CA13: variants seen among roughly 807,000 people sequenced by gnomAD.
CA13 encodes the protein CA-XIII.
A neutral mutation model predicts 31.5 loss-of-function variants in CA13; 21 were observed. The ratio of observed to expected loss-of-function variants is 0.67; its 90% CI spans 0.47 to 0.96. The LOEUF (loss-of-function observed/expected upper bound fraction) is 0.96. Ranked by LOEUF, CA13 falls within the 40% of genes least tolerant of loss-of-function variation. The pLI, the probability that CA13 is intolerant of heterozygous loss-of-function variation, is 0.00. For missense variants in CA13, 315 were observed against 318.9 expected, an observed-to-expected ratio of 0.99 and a Z score of 0.09; for synonymous variants, 117 against 111.4, an observed-to-expected ratio of 1.05 and a Z score of -0.32.
At chr8:85,249,234 C>A (rs1412442144) in intron 1 of CA13, among the ~76,000 whole-genome samples, 1 of 152,168 alleles carries the variant, frequency 6.6e-6, no homozygotes, top group Non-Finnish European at 1.5e-5. Flanking sequence ...CGTGGTGGCT[C>A]ATGCCTGTAA....
chr8:85,251,962 A>G (rs1813837852), intron 2 of CA13, among the ~76,000 whole-genome samples: 1 of 152,208 alleles, frequency 6.6e-6, no homozygotes, highest in Non-Finnish European at 1.5e-5. Context: ...ATCTTGTTTA[A>G]AAAGCTAAAC....
intron 5 of CA13, 100 bp downstream of exon 5, chr8:85,268,064 T>G: frequency 1.4e-6 from 1 of 711,344 alleles, no homozygotes. Context: ...TGCTTTGAAG[T>G]TTGCAACATA....
chr8:85,257,193 G>T (rs1363081208), intron 2 of CA13, among the ~76,000 whole-genome samples: 1 of 152,162 alleles, frequency 6.6e-6, no homozygotes, highest in Non-Finnish European at 1.5e-5. Context: ...GCTTTAACAG[G>T]TGAGGTCTCT....
chr8:85,265,872 G>A (rs778089851), intron 3 of CA13, among the ~76,000 whole-genome samples: 1 of 152,170 alleles, frequency 6.6e-6, no homozygotes, highest in Admixed American at 6.5e-5. Context: ...TACTCATAAG[G>A]AGACTTTGTG....
chr8:85,275,096 G>C (rs1176071879), intron 6 of CA13, among the ~76,000 whole-genome samples: 1 of 152,138 alleles, frequency 6.6e-6, no homozygotes, highest in Non-Finnish European at 1.5e-5. Context: ...GTGCACTTAG[G>C]CTGGGGTATG....
At chr8:85,256,779 A>G (rs1807303010) in intron 2 of CA13, among the ~76,000 whole-genome samples, 1 of 152,240 alleles carries the variant, frequency 6.6e-6, no homozygotes, top group East Asian at 1.9e-4. Context: ...CATATTTAGT[A>G]TTGAATAATT....
At chr8:85,246,461 G>A (rs1272636384) in intron 1 of CA13, 2 of 455,864 alleles carry the variant, frequency 4.4e-6, no homozygotes, top group Admixed American at 2.4e-5. Context: ...CTTTAGTAAG[G>A]GTTCAGGTTC....
At chr8:85,260,526 C>T (rs1195861129) in intron 3 of CA13, among the ~76,000 whole-genome samples, 1 of 152,184 alleles carries the variant, frequency 6.6e-6, no homozygotes, top group East Asian at 1.9e-4. Flanking sequence ...TTTCACTCTT[C>T]CATTGACATG....
At chr8:85,266,810 G>A in intron 4 of CA13, 107 bp downstream of exon 4, 1 of 741,122 alleles carries the variant, frequency 1.3e-6, no homozygotes, top group South Asian at 2.0e-5. Context: ...TTCATTTTAG[G>A]TGTAGCAGTT....
At chr8:85,277,991 C>G (rs186718715) in intron 6 of CA13, among the ~76,000 whole-genome samples, 1 of 151,678 alleles carries the variant, frequency 6.6e-6, no homozygotes, top group East Asian at 1.9e-4. Flanking sequence ...TTTCAGGCCC[C>G]GGGGGAGAAT....
chr8:85,281,562 G>T lies in CA13; in HGVS notation c.*213G>T. ...GAGTCTCACTCTGTCACCCAGGCTG[G>T]AGGGCAGTGGTACAGTCTTGGCTAA... On this transcript the variant is annotated 3_prime_UTR_variant, in exon 7 of 7. Coordinates refer to ENST00000321764, the MANE Select transcript of CA13 (RefSeq NM_198584.3). 1 of 1,186,464 alleles carries T rather than the reference G, an allele frequency of 8.4e-7. No homozygotes were observed. The highest frequency in any genetic ancestry group is 1.1e-6 in the Non-Finnish European group (1 of 932,224). 73.5% of individuals were successfully genotyped at this position (1,186,464 alleles called of 1,614,324 possible). A position where few individuals can be genotyped will look rare whatever the true frequency, so the allele number is the denominator to read the frequency against.
chr8:85,255,182 C>CCAT (rs1807272799), intron 2 of CA13, among the ~76,000 whole-genome samples: 1 of 151,862 alleles, frequency 6.6e-6, no homozygotes, highest in Non-Finnish European at 1.5e-5. Context: ...AGCTGCCCAG[C>CCAT]CATAACTCAT....
At chr8:85,249,581 A>C (rs935834670) in intron 1 of CA13, among the ~76,000 whole-genome samples, 1 of 152,074 alleles carries the variant, frequency 6.6e-6, no homozygotes, top group African/African-American at 2.4e-5. Flanking sequence ...TATTACTCTA[A>C]ATTTTATCAT....
At chr8:85,270,332 C>T (rs989645722) in intron 6 of CA13, among the ~76,000 whole-genome samples, 1 of 152,124 alleles carries the variant, frequency 6.6e-6, no homozygotes, top group Admixed American at 6.6e-5. Context: ...GGGCATTGAA[C>T]ACATCCTTCC....
chr8:85,246,589 T>C (rs551217820), intron 1 of CA13: 30 of 445,968 alleles, frequency 6.7e-5, no homozygotes, highest in Admixed American at 1.4e-4. Context: ...AATGTATTAA[T>C]AGGATAAATA....
rs1563997664 is a variant in CA13 at position 85,245,842 on chromosome 8, G to C, written c.14G>C (p.Ser5Thr). The change falls in exon 1 of 7, where the codon AGC becomes ACC. Residue 5 changes from serine (S) to threonine (T), a missense_variant. Ser to Thr is a moderately conservative substitution (Grantham distance 58, BLOSUM62 1). Coordinates refer to ENST00000321764, the MANE Select transcript of CA13 (RefSeq NM_198584.3). ...CCCCGAGGGACCATGTCGAGGCTCA[G>C]CTGGGGATACCGCGAGCACAACGGT... MSRL[S>T]WGYREHNGPI... 6.2e-7 allele frequency: 1 copy of C among 1,614,204 alleles called. No homozygotes were observed. The highest frequency in any genetic ancestry group is 1.6e-4 in the Middle Eastern group (1 of 6,062).
chr8:85,248,315 G>A (rs933418654), intron 1 of CA13, among the ~76,000 whole-genome samples: 4 of 152,044 alleles, frequency 2.6e-5, no homozygotes, highest in Non-Finnish European at 5.9e-5. Context: ...AAATTAGCTG[G>A]GCGTGGTGGT....
chr8:85,264,134 C>A (rs542716348), intron 3 of CA13, among the ~76,000 whole-genome samples: 2 of 152,086 alleles, frequency 1.3e-5, no homozygotes, highest in Non-Finnish European at 2.9e-5. Context: ...CTAGGCTAAT[C>A]GTCCATTCTG....
chr8:85,267,907 T>A lies in CA13; in HGVS notation c.456T>A (p.Gly152=), dbSNP rs34047437. 1.9e-6 allele frequency: 3 copies of A among 1,593,928 alleles called. No individual in the cohort carries two copies. Among genetic ancestry groups the A allele is most frequent in the Non-Finnish European group, 2.6e-6 (3 of 1,164,634 alleles). ...TTGAAATTTCATGTTTTTAGATTGG[T>A]GAACCTAATTCCCAACTGCAAAAGA... ...LAVLGVFLQI[G]EPNSQLQKIT... is the part of the protein sequence containing the mutation. Residue 152 remains glycine, a synonymous_variant, in exon 5 of 7, where the codon GGT becomes GGA. Transcript: ENST00000321764.
Sources: gnomAD v4.1 joint callset for allele counts (sites outside exome capture counted in the v4.1 genomes callset) on GRCh38, gnomAD v4.1.1 for gene constraint, MANE v1.5 for transcripts, NCBI Gene and HGNC (gene_info 2026-07-23, HGNC 2026-07-21) for gene names.